Variants in MACROD2 observed in about 807,000 individuals in gnomAD.
MACROD2 encodes mono-ADP ribosylhydrolase 2, also known as ADP-ribose glycohydrolase MACROD2.
A neutral mutation model predicts 70.4 loss-of-function variants in MACROD2; 36 were observed. The ratio of observed to expected loss-of-function variants is 0.51; its 90% CI spans 0.39 to 0.68. The LOEUF (loss-of-function observed/expected upper bound fraction) is 0.68, where lower values mean the gene tolerates loss of function less well. Among genes scored for constraint, MACROD2 ranks in the 30% least tolerant of loss-of-function variants. The pLI, the probability that MACROD2 is intolerant of heterozygous loss-of-function variation, is 0.00. For missense variants in MACROD2, 496 were observed against 538.4 expected, an observed-to-expected ratio of 0.92 and a Z score of 0.78; for synonymous variants, 172 against 178.8, an observed-to-expected ratio of 0.96 and a Z score of 0.30.
intron 8 of MACROD2, among the ~76,000 whole-genome samples, chr20:15,859,950 A>G (rs2147160105): frequency 6.6e-6 from 1 of 152,264 alleles, no homozygotes; most frequent in Admixed American, 6.5e-5. Context: ...CCTGGCTAAC[A>G]CGGTGAAACC....
intron 5 of MACROD2, among the ~76,000 whole-genome samples, chr20:14,942,784 T>G (rs2122711511): frequency 6.6e-6 from 1 of 152,100 alleles, no homozygotes; most frequent in Admixed American, 6.5e-5. Context: ...GCCTAAATTT[T>G]TAAAAAGAGC....
Position 14,861,990 on chromosome 20 carries a change from TA to T in MACROD2, c.418+177032del, listed in dbSNP as rs1197435217. Among the ~76,000 whole-genome samples the T allele has an allele frequency of 4.1e-4, 27 of 66,412 alleles. 2 individuals carry two copies. Among genetic ancestry groups the T allele is most frequent in the African/African-American group, 1.7e-3 (25 of 15,050 alleles). 43.6% of individuals were successfully genotyped at this position (66,412 alleles called of 152,430 possible). A position where few individuals can be genotyped will look rare whatever the true frequency, so the allele number is the denominator to read the frequency against. ...TTTTATATATAAATATATATATATA[TA>T]TTTATATATATATTTATATATATAT... On this transcript the variant is annotated intron_variant, in intron 5 of 17. Transcript: ENST00000684519.
At chr20:15,678,178 A>T (rs1204684789) in intron 8 of MACROD2, among the ~76,000 whole-genome samples, 1 of 152,208 alleles carries the variant, frequency 6.6e-6, no homozygotes, top group Admixed American at 6.5e-5. Context: ...TAGACTTAAG[A>T]TTTGAAATTG....
At chr20:15,404,529 G>A (rs1037511780) in intron 6 of MACROD2, among the ~76,000 whole-genome samples, 1 of 152,194 alleles carries the variant, frequency 6.6e-6, no homozygotes, top group African/African-American at 2.4e-5. Flanking sequence ...TTTACCCACT[G>A]CAACCTCTGG....
rs138930980 is a variant in MACROD2, at chr20:15,879,136, G to A, written c.728-6628G>A. 5.9e-5 allele frequency among the ~76,000 whole-genome samples: 9 copies of A among 152,150 alleles called. 2 individuals carry two copies. Among genetic ancestry groups the A allele is most frequent in the African/African-American group, 2.2e-4 (9 of 41,518 alleles). On this transcript the variant is annotated intron_variant, in intron 9 of 17. Transcript: ENST00000684519. Reference sequence around the variant, plus strand: ...ACAGAACAATGCCGTCTGATTGATTGCTCTCTATTTAGAAATAGTATTTCT... The same window carrying A: ...ACAGAACAATGCCGTCTGATTGATTACTCTCTATTTAGAAATAGTATTTCT...
chr20:14,719,489 A>G (rs922538034), intron 5 of MACROD2, among the ~76,000 whole-genome samples: 7 of 148,712 alleles, frequency 4.7e-5, no homozygotes, highest in African/African-American at 1.7e-4. Context: ...AAAAAAAAAG[A>G]AAGAAAGAAA....
intron 2 of MACROD2, chr20:14,051,875 A>G (rs1287314667): frequency 3.9e-6 from 2 of 513,998 alleles, no homozygotes; most frequent in Admixed American, 2.0e-5. Context: ...CTTGGTTTCA[A>G]TATGCCACAT....
At chr20:15,336,670 C>T (rs1477857777) in intron 6 of MACROD2, among the ~76,000 whole-genome samples, 1 of 151,732 alleles carries the variant, frequency 6.6e-6, no homozygotes, top group Non-Finnish European at 1.5e-5. Context: ...AGCCCTGTGC[C>T]TTTTGATTGG....
chr20:15,361,855 G>A (rs190178904), intron 6 of MACROD2, among the ~76,000 whole-genome samples: 49 of 152,016 alleles, frequency 3.2e-4, no homozygotes, highest in African/African-American at 1.1e-3. Flanking sequence ...GGGTCCACAT[G>A]TTCATTTATA....
chr20:15,968,875 T>A (rs924765011), intron 13 of MACROD2, among the ~76,000 whole-genome samples: 16 of 147,392 alleles, frequency 1.1e-4, no homozygotes, highest in Admixed American at 1.1e-3. Flanking sequence ...AGAGAGACTG[T>A]TTAAAGGCAT....
At chr20:15,358,366 T>G (rs1301338290) in intron 6 of MACROD2, among the ~76,000 whole-genome samples, 2 of 152,214 alleles carry the variant, frequency 1.3e-5, no homozygotes, top group Non-Finnish European at 2.9e-5. Context: ...GATATCTCAA[T>G]TATTGAATGA....
intron 2 of MACROD2, among the ~76,000 whole-genome samples, chr20:14,049,197 A>AAAAAAAAAAAG (rs60260247): frequency 6.6e-6 from 1 of 151,540 alleles, no homozygotes; most frequent in Admixed American, 6.6e-5. Flanking sequence ...AAACAAAAAA[A>AAAAAAAAAAAG]CAAAAAAGCC....
chr20:15,153,777 A>G (rs746674204), intron 5 of MACROD2, among the ~76,000 whole-genome samples: 5 of 152,282 alleles, frequency 3.3e-5, no homozygotes, highest in Non-Finnish European at 4.4e-5. Flanking sequence ...TGGAAAGCAT[A>G]TGGAGGGCTT....
intron 5 of MACROD2, among the ~76,000 whole-genome samples, chr20:14,832,450 T>C (rs1189804788): frequency 6.6e-6 from 1 of 151,790 alleles, no homozygotes; most frequent in Non-Finnish European, 1.5e-5. Context: ...AATGGCAGTT[T>C]GAGGAAGGCT....
At chr20:15,556,265 G>T (rs550933920) in intron 8 of MACROD2, among the ~76,000 whole-genome samples, 15 of 152,298 alleles carry the variant, frequency 9.8e-5, no homozygotes, top group African/African-American at 2.6e-4. Context: ...TGTGTGAGAG[G>T]CTCGTTCATT....
intron 4 of MACROD2, among the ~76,000 whole-genome samples, chr20:14,624,795 GA>G (rs1984038871): frequency 6.6e-6 from 1 of 152,046 alleles, no homozygotes; most frequent in Admixed American, 6.5e-5. Context: ...GATAAAGAAG[GA>G]AAAAGTATGA....
At chr20:14,401,023 G>A (rs1210696027) in intron 3 of MACROD2, among the ~76,000 whole-genome samples, 4 of 152,116 alleles carry the variant, frequency 2.6e-5, no homozygotes, top group Admixed American at 6.5e-5. Context: ...GACTTCAACC[G>A]ACTTGGTTGA....
intron 4 of MACROD2, among the ~76,000 whole-genome samples, chr20:14,513,111 T>C (rs1020432016): frequency 2.6e-5 from 4 of 152,150 alleles, no homozygotes; most frequent in Admixed American, 6.6e-5. Context: ...GAAGTGGGTC[T>C]GAGGTTGTGA....
At chr20:14,994,048 G>A (rs1041370363) in intron 5 of MACROD2, among the ~76,000 whole-genome samples, 1 of 152,050 alleles carries the variant, frequency 6.6e-6, no homozygotes, top group Non-Finnish European at 1.5e-5. Flanking sequence ...CCTATAGGTT[G>A]GAGAAGACAT....
Sources: allele counts gnomAD v4.1 joint callset (sites outside exome capture counted in the v4.1 genomes callset), GRCh38; gene constraint gnomAD v4.1.1; transcripts MANE v1.5; gene names NCBI Gene and HGNC (gene_info 2026-07-23, HGNC 2026-07-21).